Variants in UBAP2L observed in about 807,000 individuals in gnomAD.
UBAP2L encodes the protein ubiquitin-associated protein 2-like.
A neutral mutation model predicts 130.6 loss-of-function variants in UBAP2L; 12 were observed. The observed-to-expected ratio is 0.09, with a 90% confidence interval of 0.06 to 0.15. The LOEUF (loss-of-function observed/expected upper bound fraction) is 0.15. UBAP2L is among the 10% of genes least tolerant of loss of function. The pLI is 1.00. For missense variants in UBAP2L, 965 were observed against 1,332.5 expected, an observed-to-expected ratio of 0.72 and a Z score of 4.29; for synonymous variants, 503 against 524.7, an observed-to-expected ratio of 0.96 and a Z score of 0.57.
At chr1:154,225,332 C>T in intron 2 of UBAP2L, 119 bp downstream of exon 2, 1 of 1,117,012 alleles carries the variant, frequency 9.0e-7, no homozygotes. Context: ...TTTTTGTTTT[C>T]TAGTCCTTGG....
chr1:154,266,288 A>G (rs1486740113), intron 24 of UBAP2L, among the ~76,000 whole-genome samples: 1 of 152,182 alleles, frequency 6.6e-6, no homozygotes, highest in Non-Finnish European at 1.5e-5. Context: ...TCTCTCACGT[A>G]TACTCAACAC....
intron 25 of UBAP2L, among the ~76,000 whole-genome samples, chr1:154,267,880 C>CTTCTTTTTTTTTTTTTT (rs1683765424): frequency 1.9e-5 from 1 of 52,056 alleles, no homozygotes; most frequent in African/African-American, 8.2e-5. Context: ...CTTATTTGGT[C>CTTCTTTTTTTTTTTTTT]TTTTTTTTTT....
In UBAP2L at chr1:154,254,821, T is replaced by TG; in HGVS notation, c.1855-15_1855-14insG. ...TGTCTGTTTCTTGCTCTTCTGTTTT[T>TG]TTTTTTTTTACCAGAATGGCTTCAG... On this transcript the variant is annotated splice_polypyrimidine_tract_variant and intron_variant, in intron 15 of 26. Transcript: ENST00000428931. 1.2e-6 allele frequency: 2 copies of TG among 1,600,542 alleles called. No individual in the cohort carries two copies. Among genetic ancestry groups the TG allele is most frequent in the South Asian group, 2.3e-5 (2 of 88,522 alleles).
intron 26 of UBAP2L, among the ~76,000 whole-genome samples, chr1:154,269,928 T>C (rs1477164955): frequency 6.6e-6 from 1 of 152,138 alleles, no homozygotes; most frequent in Non-Finnish European, 1.5e-5. Flanking sequence ...TGTGAGAATG[T>C]AGAATTGAAA....
chr1:154,255,300 A>C lies in UBAP2L; in HGVS notation c.2058A>C (p.Pro686=). ...GCTTGAGCCACAGTGAGGAGATTCCAAATACTACCACCACACAACACAGCA... is the reference window on the plus strand; with the variant it reads ...GCTTGAGCCACAGTGAGGAGATTCCCAATACTACCACCACACAACACAGCA... ...LGGLSHSEEI[P]NTTTTQHSST... Residue 686 remains proline, a synonymous_variant, in exon 17 of 27, where the codon CCA becomes CCC. Coordinates refer to ENST00000428931, the MANE Select transcript of UBAP2L (RefSeq NM_014847.4). The C allele has an allele frequency of 6.2e-7, 1 of 1,614,136 alleles. No homozygotes were observed. Among genetic ancestry groups the C allele is most frequent in the Non-Finnish European group, 8.5e-7 (1 of 1,180,010 alleles).
intron 22 of UBAP2L, among the ~76,000 whole-genome samples, chr1:154,260,669 C>G (rs146982356): frequency 6.6e-6 from 1 of 152,188 alleles, no homozygotes; most frequent in African/African-American, 2.4e-5. Context: ...AGCCTCCTGC[C>G]ATAGCATTGC....
At chr1:154,262,755 G>A (rs1681974563) in intron 24 of UBAP2L, among the ~76,000 whole-genome samples, 1 of 152,040 alleles carries the variant, frequency 6.6e-6, no homozygotes, top group South Asian at 2.1e-4. Flanking sequence ...ATCCTGAGAA[G>A]CCCCATTGAG....
intron 1 of UBAP2L, 25 bp downstream of exon 1, chr1:154,221,000 TGGCGGCGGC>T (rs557489922): frequency 1.0e-5 from 2 of 192,730 alleles, no homozygotes; most frequent in Non-Finnish European, 2.1e-5. Context: ...GCAGCGGCGT[TGGCGGCGGC>T]GGCGGCGGCA....
intron 20 of UBAP2L, 44 bp downstream of exon 20, chr1:154,257,478 T>C (rs953589937): frequency 6.2e-7 from 1 of 1,605,166 alleles, no homozygotes; most frequent in Non-Finnish European, 8.5e-7. Context: ...GAGGATGTTG[T>C]GGCTACTCTT....
chr1:154,268,676 C>A, intron 25 of UBAP2L, 81 bp from the exon 26 acceptor site: 2 of 1,409,102 alleles, frequency 1.4e-6, no homozygotes, highest in Non-Finnish European at 2.0e-6. Flanking sequence ...TTCTGAGGGT[C>A]AGGGAGCTTG....
chr1:154,228,210 C>T (rs573532885), intron 3 of UBAP2L, among the ~76,000 whole-genome samples: 3 of 150,896 alleles, frequency 2.0e-5, no homozygotes, highest in African/African-American at 7.3e-5. Context: ...TATTTTGAGA[C>T]GGAGTCTTGC....
chr1:154,247,955 T>G (rs1676088020), intron 11 of UBAP2L, among the ~76,000 whole-genome samples: 1 of 151,660 alleles, frequency 6.6e-6, no homozygotes, highest in African/African-American at 2.4e-5. Context: ...TTAATTGTTT[T>G]TATTTTTTAT....
chr1:154,228,801 G>A (rs1668824950), intron 4 of UBAP2L, 76 bp downstream of exon 4: 3 of 1,111,018 alleles, frequency 2.7e-6, no homozygotes, highest in Non-Finnish European at 3.9e-6. Flanking sequence ...GTAGCAAATG[G>A]CAACATACCT....
chr1:154,228,818 A>C (rs756719167), intron 4 of UBAP2L, 93 bp downstream of exon 4: 6 of 865,972 alleles, frequency 6.9e-6, no homozygotes, highest in Non-Finnish European at 1.0e-5. Flanking sequence ...ACCTTAAAGC[A>C]GAGCACCTTT....
At chr1:154,241,168 AACCTCC>A (rs1481882760) in intron 8 of UBAP2L, among the ~76,000 whole-genome samples, 2 of 151,930 alleles carry the variant, frequency 1.3e-5, no homozygotes, top group Non-Finnish European at 1.5e-5. Flanking sequence ...AGCTCACTGC[AACCTCC>A]ACCTCCCAGG....
intron 3 of UBAP2L, among the ~76,000 whole-genome samples, chr1:154,228,146 C>T (rs1333388254): frequency 2.6e-5 from 4 of 151,908 alleles, no homozygotes; most frequent in South Asian, 4.2e-4. Flanking sequence ...TTCTGGAAAA[C>T]CTGCTAGGCA....
At chr1:154,250,779 G>T (rs981662820) in intron 12 of UBAP2L, among the ~76,000 whole-genome samples, 1 of 151,066 alleles carries the variant, frequency 6.6e-6, no homozygotes, top group African/African-American at 2.4e-5. Flanking sequence ...CCCAGGAGTC[G>T]GATGTTGAAG....
intron 25 of UBAP2L, among the ~76,000 whole-genome samples, chr1:154,267,262 T>C (rs1368655707): frequency 6.6e-6 from 1 of 150,480 alleles, no homozygotes; most frequent in Non-Finnish European, 1.5e-5. Flanking sequence ...TTTAAGCGGT[T>C]CTCCTGCCTC....
Position 154,230,207 on chromosome 1 carries a change from A to G in UBAP2L, c.279+1482A>G, listed in dbSNP as rs188369988. On this transcript the variant is annotated intron_variant, in intron 4 of 26. Coordinates refer to ENST00000428931, the MANE Select transcript of UBAP2L (RefSeq NM_014847.4). The stretch of plus-strand genomic sequence containing the variant: ...ATTTTAGTGGAGACAGTGTTTCACT[A>G]TGTTGCCCAGGGTGGTCTTGAACTC... Among the ~76,000 whole-genome samples the G allele has an allele frequency of 3.9e-4, 59 of 152,162 alleles. 1 individual carries two copies. The highest frequency in any genetic ancestry group is 1.8e-3 in the Admixed American group (28 of 15,282).
Sources: gnomAD v4.1 joint callset for allele counts (sites outside exome capture counted in the v4.1 genomes callset) on GRCh38, gnomAD v4.1.1 for gene constraint, MANE v1.5 for transcripts, NCBI Gene and HGNC (gene_info 2026-07-23, HGNC 2026-07-21) for gene names.